RC3H1: variants seen among roughly 807,000 people sequenced by gnomAD.
The protein encoded by RC3H1 is roquin-1.
Under a neutral mutation model 138.2 loss-of-function variants are expected in RC3H1, and 50 were observed. The observed-to-expected ratio is 0.36, with a 90% CI of 0.29 to 0.46. RC3H1 has a LOEUF of 0.46. Among genes scored for constraint, RC3H1 ranks in the 20% least tolerant of loss-of-function variants. The pLI is 1.00. For synonymous variants in RC3H1, 462 were observed against 489.1 expected (o/e 0.94, Z 0.73); for missense variants, 1,031 against 1,388.1 (o/e 0.74, Z 4.09).
chr1:173,974,615 C>G (rs1445863154), intron 7 of RC3H1, among the ~76,000 whole-genome samples: 1 of 151,764 alleles, frequency 6.6e-6, no homozygotes, highest in Middle Eastern at 3.2e-3. Flanking sequence ...AGAAGTGTGC[C>G]TGGCATGTTG....
chr1:173,975,112 T>G (rs1660517615), intron 7 of RC3H1, among the ~76,000 whole-genome samples: 1 of 152,152 alleles, frequency 6.6e-6, no homozygotes. Context: ...TTGTTTTGTT[T>G]TTTTGATGGA....
At position 173,947,482 on chromosome 1, in the gene RC3H1, G is replaced by A. The variant is rs1302759466; in HGVS notation, c.2624C>T (p.Thr875Ile). 1.9e-6 allele frequency: 3 copies of A among 1,613,852 alleles called. No individual in the cohort carries two copies. The highest frequency in any genetic ancestry group is 2.7e-5 in the African/African-American group (2 of 74,906). The change falls in exon 15 of 20, where the codon ACA becomes ATA. Residue 875 changes from threonine to isoleucine, a missense_variant. Coordinates refer to ENST00000367696, the MANE Select transcript of RC3H1 (RefSeq NM_172071.4). The part of the protein sequence containing the change: ...DDLIPFGDRP[T>I]VSRFGAISRT... ...TGAGATGGCACCAAACCGAGACACT[G>A]TTGGTCGGTCTCCAAATGGGATGAG...
rs1354130273 is a variant in RC3H1, at chr1:173,936,748, TATATATATATA to T, written c.*1962_*1972del. On this transcript the variant is annotated 3_prime_UTR_variant, in exon 20 of 20. Transcript: ENST00000367696. ...AAGCATACATATATATATATATATA[TATATATATATA>T]TATTTTTTTTTTTTTTTTTAAAAAA... 1 of 46,556 alleles carries T rather than the reference TATATATATATA, an allele frequency of 2.1e-5. No homozygotes were observed. Among genetic ancestry groups the T allele is most frequent in the African/African-American group, 2.4e-4 (1 of 4,112 alleles). 2.9% of individuals were successfully genotyped at this position (46,556 alleles called of 1,614,324 possible).
At chr1:173,957,505 G>GT (rs1267770137) in intron 13 of RC3H1, among the ~76,000 whole-genome samples, 1 of 152,010 alleles carries the variant, frequency 6.6e-6, no homozygotes, top group Non-Finnish European at 1.5e-5. Flanking sequence ...AAGTTCCAGG[G>GT]TGTACTCTAA....
Position 173,941,297 on chromosome 1 carries a change from C to T in RC3H1, c.3219G>A (p.Lys1073=). The T allele has an allele frequency of 6.2e-7, 1 of 1,613,804 alleles. No individual in the cohort carries two copies. Among genetic ancestry groups the T allele is most frequent in the Non-Finnish European group, 8.5e-7 (1 of 1,179,810 alleles). ...AENGQPEPQN[K]VPAEDLTLTF... ...TCAATGTAAGGTCCTCAGCCGGAAC[C>T]TTGTTTTGTGGTTCTGGTTGTCCAT... The change falls in exon 19 of 20, where the codon AAG becomes AAA. Residue 1073 remains lysine, a synonymous_variant. Coordinates refer to ENST00000367696, the MANE Select transcript of RC3H1 (RefSeq NM_172071.4).
At chr1:174,017,146 A>G (rs1239187615) in intron 1 of RC3H1, among the ~76,000 whole-genome samples, 2 of 152,264 alleles carry the variant, frequency 1.3e-5, no homozygotes, top group South Asian at 2.1e-4. Context: ...GTAACTTCAA[A>G]TAAATCCTTT....
At chr1:173,956,777 T>A (rs936371195) in intron 13 of RC3H1, among the ~76,000 whole-genome samples, 5 of 151,812 alleles carry the variant, frequency 3.3e-5, no homozygotes, top group Admixed American at 6.6e-5. Flanking sequence ...AGAAAGAAGG[T>A]GAAATATATA....
intron 1 of RC3H1, among the ~76,000 whole-genome samples, chr1:174,018,738 C>G (rs2103117103): frequency 6.6e-6 from 1 of 152,262 alleles, no homozygotes; most frequent in African/African-American, 2.4e-5. Flanking sequence ...ATACCTGAAC[C>G]CTGAGCACAG....
In RC3H1 at chr1:173,964,756, TA is replaced by T. The variant is rs1308629597; in HGVS notation, c.1616+82del. The T allele has an allele frequency of 5.7e-5, 71 of 1,240,394 alleles. No individual in the cohort carries two copies. The African/African-American group carries it at 8.5e-4, about 15-fold the overall frequency. The allele number at this position is 1,240,394 out of a possible 1,614,324, so 76.8% of individuals were successfully genotyped here. A position where few individuals can be genotyped will look rare whatever the true frequency, so the allele number is the denominator to read the frequency against. ...AAAAATAATCAGGGTTTTTTTTTTTTAAATCCCAAACATTAATTATTCTATC... is the reference window on the plus strand; with the variant it reads ...AAAAATAATCAGGGTTTTTTTTTTTTAATCCCAAACATTAATTATTCTATC... On this transcript the variant is annotated intron_variant, in intron 10 of 19. Transcript: ENST00000367696.
At chr1:173,942,099 G>C (rs919540742) in intron 18 of RC3H1, among the ~76,000 whole-genome samples, 20 of 151,708 alleles carry the variant, frequency 1.3e-4, no homozygotes, top group Non-Finnish European at 2.4e-4. Context: ...AAAATTGGCT[G>C]GGTGTGGTGG....
intron 1 of RC3H1, among the ~76,000 whole-genome samples, chr1:173,995,193 T>C (rs1394651692): frequency 1.3e-5 from 2 of 152,072 alleles, no homozygotes; most frequent in Non-Finnish European, 2.9e-5. Context: ...GTATAGATTC[T>C]AGGTAAAGAA....
chr1:173,984,603 G>A lies in RC3H1; in HGVS notation c.248C>T (p.Pro83Leu), dbSNP rs1252190988. 8 of 1,613,350 alleles carry A rather than the reference G, an allele frequency of 5.0e-6. No homozygotes were observed. In the African/African-American group the frequency reaches 1.1e-4, roughly 22 times the overall value. Reference protein sequence around the residue: ...LVGAQVPEQQPITLCSGVEDT... With the variant: ...LVGAQVPEQQLITLCSGVEDT... ...TTCAACCCCACTACACAAAGTAATA[G>A]GCTGCTGCTCAGGGACCTGGAGGCC... The change falls in exon 3 of 20, where the codon CCT (proline) becomes CTT (leucine). Residue 83 changes from proline (P) to leucine (L), a missense_variant. Physicochemically the swap from Pro to Leu is moderately conservative, Grantham distance 98. Around this residue, in one of 7 missense-constraint regions of RC3H1, gnomAD observed 80 missense variants for 81.1 expected, o/e 0.99. Transcript: ENST00000367696.
rs1165317766 is a variant in RC3H1 at position 174,017,783 on chromosome 1, C to CCAAAAAAAAAAAAAAAAAAAAAAAAAAAA, written c.-151+4312_-151+4313insTTTTTTTTTTTTTTTTTTTTTTTTTTTTG. The stretch of plus-strand genomic sequence containing the variant: ...ACCCCTTTAGAACTCTTTTCTTGCT[C>CCAAAAAAAAAAAAAAAAAAAAAAAAAAAA]AAAAAAAAAAAAAAAAAAAAAAAAA... On this transcript the variant is annotated intron_variant, in intron 1 of 19. Transcript: ENST00000367696. 1.7e-4 allele frequency among the ~76,000 whole-genome samples: 12 copies of CCAAAAAAAAAAAAAAAAAAAAAAAAAAAA among 72,034 alleles called. 1 individual carries two copies. Among genetic ancestry groups the CCAAAAAAAAAAAAAAAAAAAAAAAAAAAA allele is most frequent in the African/African-American group, 6.8e-4 (12 of 17,530 alleles). 47.3% of individuals were successfully genotyped at this position (72,034 alleles called of 152,430 possible).
At chr1:174,013,619 T>C (rs769326653) in intron 1 of RC3H1, among the ~76,000 whole-genome samples, 157 of 151,990 alleles carry the variant, frequency 1.0e-3, no homozygotes, top group Non-Finnish European at 2.0e-3. Flanking sequence ...TTTTTGTATT[T>C]TTAGTAGAGA....
rs753751494 is a variant in RC3H1, at chr1:173,980,762, A to G, written c.969+47T>C. The G allele has an allele frequency of 3.4e-6, 5 of 1,465,012 alleles. No individual in the cohort carries two copies. In the South Asian group the frequency reaches 5.9e-5, roughly 17 times the overall value. The allele number at this position is 1,465,012 out of a possible 1,614,324, so 90.8% of individuals were successfully genotyped here. A position where few individuals can be genotyped will look rare whatever the true frequency, so the allele number is the denominator to read the frequency against. ...ATATACATTTGTTAAATGAATTACCAAAATGCCAAGATTAGTCTAAGAAGT... is the reference window on the plus strand; with the variant it reads ...ATATACATTTGTTAAATGAATTACCGAAATGCCAAGATTAGTCTAAGAAGT... On this transcript the variant is annotated intron_variant, in intron 6 of 19. Transcript: ENST00000367696.
chr1:173,952,098 C>T lies in RC3H1; in HGVS notation c.2411G>A (p.Gly804Glu), dbSNP rs1659425607. ...GGGAGAGTATTGGCTATAATCATTT[C>T]CTTTGTATTTCCCAGCTACCTTCAA... is the stretch of plus-strand genomic sequence containing the variant. ...EDLKVAGKYK[G>E]NDYSQYSPWS... Residue 804 changes from glycine (G) to glutamate (E), a missense_variant, in exon 14 of 20, where the codon GGA becomes GAA. Physicochemically the swap from Gly to Glu is moderately conservative, Grantham distance 98. Around this residue, in one of 7 missense-constraint regions of RC3H1, gnomAD observed 716 missense variants for 837.9 expected, o/e 0.85. Transcript: ENST00000367696. The T allele has an allele frequency of 6.3e-7, 1 of 1,592,622 alleles. No homozygotes were observed. The highest frequency in any genetic ancestry group is 8.6e-7 in the Non-Finnish European group (1 of 1,169,088).
At chr1:173,979,387 C>T (rs1660711820) in intron 6 of RC3H1, among the ~76,000 whole-genome samples, 1 of 152,192 alleles carries the variant, frequency 6.6e-6, no homozygotes, top group Admixed American at 6.5e-5. Context: ...GTGGCTCACG[C>T]CTGTAATCCT....
chr1:173,986,266 T>C (rs1236140882), intron 2 of RC3H1, among the ~76,000 whole-genome samples: 1 of 152,202 alleles, frequency 6.6e-6, no homozygotes, highest in Non-Finnish European at 1.5e-5. Flanking sequence ...AACATATTCA[T>C]AATTAACAAC....
intron 2 of RC3H1, among the ~76,000 whole-genome samples, chr1:173,988,713 G>A (rs78862344): frequency 0.071 from 10,840 of 152,214 alleles, 1,327 homozygotes; most frequent in African/African-American, 0.25. Context: ...AGCATTTGGT[G>A]TTGCTAATGT....
Sources: gnomAD v4.1 joint callset for allele counts (sites outside exome capture counted in the v4.1 genomes callset) on GRCh38, gnomAD v4.1.1 for gene constraint, gnomAD v4.1.1 regional missense constraint, MANE v1.5 for transcripts, NCBI Gene and HGNC (gene_info 2026-07-23, HGNC 2026-07-21) for gene names.